RASSF3: variants seen among roughly 807,000 people sequenced by gnomAD.
RASSF3 encodes ras association domain-containing protein 3.
Under a neutral mutation model 19.9 loss-of-function variants are expected in RASSF3, and 19 were observed. The observed-to-expected ratio is 0.96, with a 90% confidence interval of 0.67 to 1.40. The LOEUF (loss-of-function observed/expected upper bound fraction) is 1.40. Ranked by LOEUF, RASSF3 falls within the 40% of genes most tolerant of loss-of-function variation. RASSF3 has a pLI of 0.00. For missense variants in RASSF3, 306 were observed against 289.8 expected (o/e 1.06, Z -0.41); for synonymous variants, 110 against 104.2 (o/e 1.06, Z -0.34).
chr12:64,604,483 A>G (rs1045347983), intron 2 of RASSF3, among the ~76,000 whole-genome samples: 2 of 151,858 alleles, frequency 1.3e-5, no homozygotes, highest in Admixed American at 6.6e-5. Flanking sequence ...TTCAGTTATT[A>G]TACCATTTAT....
chr12:64,695,090 T>C lies in RASSF3; in HGVS notation c.*178T>C. The C allele has an allele frequency of 1.6e-6, 1 of 615,786 alleles. No homozygotes were observed. Among genetic ancestry groups the C allele is most frequent in the South Asian group, 2.3e-5 (1 of 44,160 alleles). The allele number at this position is 615,786 out of a possible 1,614,324, so 38.1% of individuals were successfully genotyped here. On this transcript the variant is annotated 3_prime_UTR_variant, in exon 5 of 5. Transcript: ENST00000542104. ...GCATCCTGCACCTTAGCGTCCCATG[T>C]AAGGGACTCTGCAAGCTTGTTGTTC...
At chr12:64,670,722 A>G (rs932272065) in intron 1 of RASSF3, among the ~76,000 whole-genome samples, 10 of 152,126 alleles carry the variant, frequency 6.6e-5, no homozygotes, top group African/African-American at 1.7e-4. Context: ...CTAATTCCCT[A>G]CTAAGTTGCC....
At chr12:64,668,210 C>T (rs558737047) in intron 1 of RASSF3, among the ~76,000 whole-genome samples, 1 of 151,776 alleles carries the variant, frequency 6.6e-6, no homozygotes, top group Non-Finnish European at 1.5e-5. Context: ...GTAAATATCA[C>T]TCAGCCAGCC....
At chr12:64,648,997 A>T (rs971470730) in intron 1 of RASSF3, among the ~76,000 whole-genome samples, 14 of 150,888 alleles carry the variant, frequency 9.3e-5, no homozygotes, top group African/African-American at 3.4e-4. Context: ...TTTTGTAGAG[A>T]CAGGGTCTCA....
At chr12:64,642,929 G>A (rs1472314858) in intron 1 of RASSF3, among the ~76,000 whole-genome samples, 1 of 150,122 alleles carries the variant, frequency 6.7e-6, no homozygotes, top group Non-Finnish European at 1.5e-5. Flanking sequence ...GCAGTGGTAC[G>A]ATCTCAGCTC....
At position 64,550,284 on chromosome 12, in the gene RASSF3, C is replaced by T. The variant is rs150086006; in HGVS notation, c.294+8579C>T. Among the ~76,000 whole-genome samples the T allele has an allele frequency of 1.7e-4, 25 of 147,560 alleles. No homozygotes were observed. In the East Asian group the frequency reaches 3.6e-3, roughly 21 times the overall value. ...GGGAAAACAAGAAAGGGAAAGGAAACGAGAAGGGGAAAGAAAGGGAGAAGA... is the reference window on the plus strand; with the variant it reads ...GGGAAAACAAGAAAGGGAAAGGAAATGAGAAGGGGAAAGAAAGGGAGAAGA... On this transcript the variant is annotated intron_variant, in intron 2 of 5. Coordinates refer to the RASSF3 transcript ENST00000637125.
At chr12:64,674,679 A>C (rs989415464) in intron 1 of RASSF3, among the ~76,000 whole-genome samples, 1 of 152,102 alleles carries the variant, frequency 6.6e-6, no homozygotes, top group African/African-American at 2.4e-5. Flanking sequence ...CCTAAACCTG[A>C]ATTGATGAGG....
chr12:64,564,920 A>G lies in RASSF3; in HGVS notation c.294+23215A>G, dbSNP rs140300070. ...CTTAGCCTCCCAAGTAGCTGGGACA[A>G]CAGGCATGCATCACCATGCCCAGCT... On this transcript the variant is annotated intron_variant, in intron 2 of 5. Coordinates refer to the RASSF3 transcript ENST00000637125. 2.6e-3 allele frequency among the ~76,000 whole-genome samples: 395 copies of G among 151,970 alleles called. 1 individual carries two copies. Among genetic ancestry groups the G allele is most frequent in the African/African-American group, 8.9e-3 (368 of 41,498 alleles).
intron 1 of RASSF3, chr12:64,507,492 G>A (rs1437599668): frequency 2.5e-6 from 1 of 392,310 alleles, no homozygotes; most frequent in African/African-American, 2.1e-5. Context: ...GGAAAATTGA[G>A]AGAAAATAAA....
chr12:64,675,015 G>A (rs1268988898), intron 1 of RASSF3, among the ~76,000 whole-genome samples: 1 of 137,608 alleles, frequency 7.3e-6, no homozygotes, highest in Non-Finnish European at 1.5e-5. Context: ...TTTAGACTAT[G>A]TGTTAGAAGT....
exon 1 of RASSF3, chr12:64,533,289 C>T (rs1868754436): frequency 6.6e-6 from 1 of 152,258 alleles, no homozygotes; most frequent in African/African-American, 2.4e-5. Flanking sequence ...GATTTATAAG[C>T]TCTCGGGCAA....
intron 1 of RASSF3, among the ~76,000 whole-genome samples, chr12:64,675,553 G>A (rs1207582911): frequency 6.6e-6 from 1 of 152,122 alleles, no homozygotes; most frequent in Non-Finnish European, 1.5e-5. Context: ...GGCCTTTTCT[G>A]TCCACAGCAC....
chr12:64,564,548 A>G (rs1244901292), intron 2 of RASSF3, among the ~76,000 whole-genome samples: 1 of 151,738 alleles, frequency 6.6e-6, no homozygotes, highest in Non-Finnish European at 1.5e-5. Flanking sequence ...ATGCCCGGCT[A>G]ATTTTGTATT....
intron 4 of RASSF3, among the ~76,000 whole-genome samples, chr12:64,693,878 G>A (rs1565874019): frequency 6.6e-6 from 1 of 152,178 alleles, no homozygotes; most frequent in African/African-American, 2.4e-5. Flanking sequence ...TAGATATTAA[G>A]CAAATAATTG....
At position 64,508,669 on chromosome 12, in the gene RASSF3, G is replaced by C. The variant is rs955499680; in HGVS notation, c.169+1340G>C. Among the ~76,000 whole-genome samples the C allele has an allele frequency of 2.6e-5, 4 of 152,240 alleles. No individual in the cohort carries two copies. The East Asian group carries it at 7.7e-4, about 29-fold the overall frequency. The stretch of plus-strand genomic sequence containing the variant: ...GGAGGCCGAGGCGGGCAGATCACCT[G>C]AGGTCGGGAGTTCAAGACCAGCCTG... On this transcript the variant is annotated intron_variant, in intron 1 of 5. Coordinates refer to the RASSF3 transcript ENST00000637125.
rs549928577 is a variant in RASSF3, at chr12:64,565,582, G to A, written c.294+23877G>A. 6.4e-4 allele frequency among the ~76,000 whole-genome samples: 98 copies of A among 152,134 alleles called. 3 individuals are homozygous for A. The South Asian group carries it at 0.019, about 30-fold the overall frequency. Reference sequence around the variant, plus strand: ...AAAAAAATTAGACGGCTGCAGTGGCGTGCGCCTGTAATCCCAGCTACTAGG... The same window carrying A: ...AAAAAAATTAGACGGCTGCAGTGGCATGCGCCTGTAATCCCAGCTACTAGG... On this transcript the variant is annotated intron_variant, in intron 2 of 5. Coordinates refer to the RASSF3 transcript ENST00000637125.
chr12:64,687,968 A>G (rs1293085553), intron 2 of RASSF3, among the ~76,000 whole-genome samples: 1 of 133,280 alleles, frequency 7.5e-6, no homozygotes, highest in African/African-American at 2.5e-5. Context: ...GCAGTCAGCC[A>G]CAGCATCAGG....
intron 2 of RASSF3, among the ~76,000 whole-genome samples, chr12:64,557,225 T>C (rs1020832657): frequency 1.4e-4 from 22 of 152,088 alleles, no homozygotes; most frequent in African/African-American, 5.1e-4. Context: ...AAACTGTCAC[T>C]CCTAAGAGCC....
chr12:64,688,105 C>T (rs1260207765), intron 2 of RASSF3, 111 bp from the exon 3 acceptor site: 8 of 797,038 alleles, frequency 1.0e-5, no homozygotes, highest in Admixed American at 5.8e-5. Flanking sequence ...CCACAAACCT[C>T]AAGAGAAGAG....
Sources: gnomAD v4.1 joint callset for allele counts (sites outside exome capture counted in the v4.1 genomes callset) on GRCh38, gnomAD v4.1.1 for gene constraint, MANE v1.5 for transcripts, NCBI Gene and HGNC (gene_info 2026-07-23, HGNC 2026-07-21) for gene names.